Variants in CDC42SE2 observed in about 807,000 individuals in gnomAD.
The protein encoded by CDC42SE2 is CDC42 small effector 2.
A neutral mutation model predicts 11.5 loss-of-function variants in CDC42SE2; 3 were observed. The ratio of observed to expected loss-of-function variants is 0.26; its 90% CI spans 0.12 to 0.67. The LOEUF (loss-of-function observed/expected upper bound fraction) is 0.67. CDC42SE2 is among the 30% of genes least tolerant of loss of function. The probability of loss-of-function intolerance (pLI) is 0.80; values close to 1 mark genes in which losing one functional copy is unlikely to be tolerated. For synonymous variants in CDC42SE2, 33 were observed against 34.8 expected (o/e 0.95, Z 0.18); for missense variants, 82 against 106.8 (o/e 0.77, Z 1.02).
At chr5:131,335,060 G>A (rs1393551370) in intron 2 of CDC42SE2, among the ~76,000 whole-genome samples, 1 of 151,688 alleles carries the variant, frequency 6.6e-6, no homozygotes, top group African/African-American at 2.4e-5. Flanking sequence ...TGTGATGTTA[G>A]GGTGTCAATT....
upstream of CDC42SE2, among the ~76,000 whole-genome samples, chr5:131,243,189 T>C (rs928678611): frequency 2.6e-5 from 4 of 152,210 alleles, no homozygotes; most frequent in African/African-American, 9.6e-5. Context: ...GCAAGCATAG[T>C]CCCTCTCACA....
At chr5:131,303,220 G>C (rs1027532226) in intron 1 of CDC42SE2, among the ~76,000 whole-genome samples, 1 of 152,208 alleles carries the variant, frequency 6.6e-6, no homozygotes, top group Non-Finnish European at 1.5e-5. Flanking sequence ...GGCCTGTAAA[G>C]TGAGGAAATT....
rs1031467188 is a variant in CDC42SE2, at chr5:131,258,884, T to C, written n.242+3655T>C. Among the ~76,000 whole-genome samples, 5 of 152,228 alleles carry C rather than the reference T, an allele frequency of 3.3e-5. No individual in the cohort carries two copies. In the East Asian group the frequency reaches 9.6e-4, roughly 29 times the overall value. ...GACAAAGACCATGCTTTATACTGAA[T>C]TTTTCCACAGCACTCGGTATGCTAC... On this transcript the variant is annotated intron_variant and non_coding_transcript_variant, in intron 2 of 3. Coordinates refer to the CDC42SE2 transcript ENST00000502840.
chr5:131,369,335 T>TC (rs1334887574), intron 3 of CDC42SE2, among the ~76,000 whole-genome samples: 1 of 152,242 alleles, frequency 6.6e-6, no homozygotes, highest in Non-Finnish European at 1.5e-5. Context: ...TACAGTTCTT[T>TC]TGATAAACCT....
intron 3 of CDC42SE2, among the ~76,000 whole-genome samples, chr5:131,381,924 GT>G (rs1367632147): frequency 6.6e-6 from 1 of 152,144 alleles, no homozygotes; most frequent in Non-Finnish European, 1.5e-5. Context: ...CATCTTAGGT[GT>G]TTACCTTTAC....
intron 2 of CDC42SE2, among the ~76,000 whole-genome samples, chr5:131,334,447 C>A (rs1003955365): frequency 3.3e-5 from 5 of 152,010 alleles, no homozygotes; most frequent in Admixed American, 2.0e-4. Context: ...TGTCTCTGCC[C>A]GGCTTTGGTA....
intron 1 of CDC42SE2, among the ~76,000 whole-genome samples, chr5:131,306,315 C>A (rs541293896): frequency 6.6e-6 from 1 of 152,204 alleles, no homozygotes; most frequent in African/African-American, 2.4e-5. Flanking sequence ...TGGAACGTAT[C>A]CCTCACAGAT....
At chr5:131,279,451 TCCC>T (rs35644276) in intron 1 of CDC42SE2, among the ~76,000 whole-genome samples, 18 of 68,820 alleles carry the variant, frequency 2.6e-4, no homozygotes, top group African/African-American at 6.5e-4. Flanking sequence ...TTCTCAGCCC[TCCC>T]CCCCCCCCTT....
At chr5:131,330,893 G>A (rs1156382406) in intron 2 of CDC42SE2, among the ~76,000 whole-genome samples, 1 of 151,830 alleles carries the variant, frequency 6.6e-6, no homozygotes, top group Non-Finnish European at 1.5e-5. Flanking sequence ...TGGCTTGGTG[G>A]TGCATGCCTG....
At chr5:131,266,377 A>G (rs901063334) in intron 1 of CDC42SE2, among the ~76,000 whole-genome samples, 1 of 151,740 alleles carries the variant, frequency 6.6e-6, no homozygotes, top group Non-Finnish European at 1.5e-5. Flanking sequence ...TGCTTATAAT[A>G]CTTAATACAT....
intron 1 of CDC42SE2, among the ~76,000 whole-genome samples, chr5:131,276,721 C>A (rs546408461): frequency 1.5e-5 from 2 of 132,848 alleles, no homozygotes; most frequent in South Asian, 5.0e-4. Flanking sequence ...TAAACATGAC[C>A]ATTAGAATTT....
chr5:131,229,171 G>C, the CDC42SE2 span, among the ~76,000 whole-genome samples: 2 of 151,892 alleles, frequency 1.3e-5, no homozygotes, highest in Non-Finnish European at 2.9e-5. Context: ...TATGGGGTGT[G>C]TGTGTGTGTG....
intron 4 of CDC42SE2, 33 bp from the exon 5 acceptor site, chr5:131,390,960 A>G: frequency 1.4e-6 from 2 of 1,477,846 alleles, no homozygotes; most frequent in Non-Finnish European, 1.9e-6. Context: ...CCTGACTTCC[A>G]TTTTGTTTTG....
At chr5:131,269,783 G>A (rs1756953085) in intron 1 of CDC42SE2, among the ~76,000 whole-genome samples, 1 of 151,510 alleles carries the variant, frequency 6.6e-6, no homozygotes, top group African/African-American at 2.4e-5. Context: ...AAAACAGGCA[G>A]GGTGCCCTGG....
chr5:131,233,769 T>C, the CDC42SE2 span, among the ~76,000 whole-genome samples: 1 of 152,236 alleles, frequency 6.6e-6, no homozygotes, highest in African/African-American at 2.4e-5. Flanking sequence ...AAAGGGCATG[T>C]ATGTTTTAAT....
At chr5:131,229,627 T>C in the CDC42SE2 span, among the ~76,000 whole-genome samples, 1 of 151,834 alleles carries the variant, frequency 6.6e-6, no homozygotes, top group African/African-American at 2.4e-5. Flanking sequence ...GTTGTTTGTT[T>C]GTTTTTAAAT....
intron 1 of CDC42SE2, among the ~76,000 whole-genome samples, chr5:131,276,835 C>A (rs979098270): frequency 6.6e-6 from 1 of 151,076 alleles, no homozygotes; most frequent in Non-Finnish European, 1.5e-5. Context: ...TCAAGCAATT[C>A]TCCTGCTTCA....
rs1025112260 is a variant in CDC42SE2, at chr5:131,393,049, G to C, written c.*1958G>C. On this transcript the variant is annotated 3_prime_UTR_variant, in exon 5 of 5. Transcript: ENST00000505065. The stretch of plus-strand genomic sequence containing the variant: ...TGTAAAGGTTTCTTCTTTTCTGTTA[G>C]AGTGTGGTGTTAAGCCAGAGTCAGT... The C allele has an allele frequency of 6.6e-6, 1 of 152,352 alleles. No homozygotes were observed. Among genetic ancestry groups the C allele is most frequent in the African/African-American group, 2.4e-5 (1 of 41,446 alleles). The allele number at this position is 152,352 out of a possible 1,614,324, so 9.4% of individuals were successfully genotyped here.
intron 3 of CDC42SE2, 110 bp downstream of exon 3, chr5:131,359,657 A>C: frequency 1.2e-6 from 1 of 806,176 alleles, no homozygotes; most frequent in Non-Finnish European, 2.2e-6. Context: ...GTTGTAGAGA[A>C]TACCACAGAG....
Sources: gnomAD v4.1 joint callset for allele counts (sites outside exome capture counted in the v4.1 genomes callset) on GRCh38, gnomAD v4.1.1 for gene constraint, MANE v1.5 for transcripts, NCBI Gene and HGNC (gene_info 2026-07-23, HGNC 2026-07-21) for gene names.